The following NOVA1 variants were observed in gnomAD, a reference collection of about 807,000 sequenced individuals.
NOVA1 encodes the protein RNA-binding protein Nova-1.
Under a neutral mutation model 38.0 loss-of-function variants are expected in NOVA1, and 7 were observed. The ratio of observed to expected loss-of-function variants is 0.18; its 90% CI spans 0.10 to 0.35. The LOEUF (loss-of-function observed/expected upper bound fraction) is 0.35. Among genes scored for constraint, NOVA1 ranks in the 10% least tolerant of loss-of-function variants. The pLI is 1.00. For synonymous variants in NOVA1, 270 were observed against 232.5 expected, an observed-to-expected ratio of 1.16 and a Z score of -1.47; for missense variants, 460 against 616.0, an observed-to-expected ratio of 0.75 and a Z score of 2.68.
chr14:26,450,068 G>A (rs1485967726), intron 4 of NOVA1, among the ~76,000 whole-genome samples: 5 of 152,074 alleles, frequency 3.3e-5, no homozygotes, highest in Non-Finnish European at 5.9e-5. Context: ...GTCAAAACTT[G>A]TGATTGTTGT....
At chr14:26,556,352 A>G (rs1488493791) in intron 2 of NOVA1, among the ~76,000 whole-genome samples, 1 of 152,166 alleles carries the variant, frequency 6.6e-6, no homozygotes, top group East Asian at 1.9e-4. Flanking sequence ...CCACATCAAC[A>G]TAGTCAACTG....
At chr14:26,476,784 T>C (rs1202586707) in intron 3 of NOVA1, among the ~76,000 whole-genome samples, 1 of 151,374 alleles carries the variant, frequency 6.6e-6, no homozygotes, top group African/African-American at 2.4e-5. Flanking sequence ...TGGCGCGATC[T>C]TGGCTCACTG....
chr14:26,457,624 AATG>A (rs1003464063), intron 4 of NOVA1, among the ~76,000 whole-genome samples: 87 of 152,196 alleles, frequency 5.7e-4, no homozygotes, highest in African/African-American at 2.0e-3. Flanking sequence ...AAAACCTGAT[AATG>A]ATGATAAATG....
At chr14:26,574,671 C>A (rs1475014874) in intron 2 of NOVA1, among the ~76,000 whole-genome samples, 2 of 152,124 alleles carry the variant, frequency 1.3e-5, no homozygotes, top group East Asian at 3.9e-4. Flanking sequence ...CATATTGTCT[C>A]CCTCCACCCT....
At chr14:26,592,976 T>C (rs964126527) in intron 2 of NOVA1, 2 of 151,748 alleles carry the variant, frequency 1.3e-5, no homozygotes, top group African/African-American at 2.4e-5. Context: ...AAAGTAGACT[T>C]TTCCCCAAAT....
At chr14:26,592,849 C>T (rs1893943040) in intron 2 of NOVA1, 1 of 151,600 alleles carries the variant, frequency 6.6e-6, no homozygotes, top group Non-Finnish European at 1.5e-5. Flanking sequence ...TTCTGTGTTA[C>T]ACATCCTGAA....
At position 26,447,867 on chromosome 14, in the gene NOVA1, C is replaced by G. The variant is rs1362963257; in HGVS notation, c.*92G>C. 2 of 885,676 alleles carry G rather than the reference C, an allele frequency of 2.3e-6. No individual in the cohort carries two copies. The highest frequency in any genetic ancestry group is 3.6e-6 in the Non-Finnish European group (2 of 563,090). 54.9% of individuals were successfully genotyped at this position (885,676 alleles called of 1,614,324 possible). On this transcript the variant is annotated 3_prime_UTR_variant, in exon 5 of 5. Transcript: ENST00000539517. The stretch of plus-strand genomic sequence containing the variant: ...CATTTGCATAATTATATATTAATAA[C>G]AGAAAAACTTCACTTCTGCAAAGTA...
At chr14:26,566,531 T>C (rs1892143965) in intron 2 of NOVA1, among the ~76,000 whole-genome samples, 1 of 152,078 alleles carries the variant, frequency 6.6e-6, no homozygotes, top group Non-Finnish European at 1.5e-5. Context: ...AAATAGTAAA[T>C]GTTCATTAGT....
intron 2 of NOVA1, among the ~76,000 whole-genome samples, chr14:26,588,071 A>G (rs1484844791): frequency 6.6e-6 from 1 of 151,220 alleles, no homozygotes; most frequent in African/African-American, 2.4e-5. Flanking sequence ...GAAAACTTAC[A>G]CTGTGAGTAA....
chr14:26,542,235 G>T (rs1389441068), intron 2 of NOVA1, among the ~76,000 whole-genome samples: 1 of 151,764 alleles, frequency 6.6e-6, no homozygotes, highest in African/African-American at 2.4e-5. Flanking sequence ...GGGAAAATAT[G>T]CTTTCTCTTT....
chr14:26,595,866 A>C (rs1894152956), intron 1 of NOVA1: 1 of 350,176 alleles, frequency 2.9e-6, no homozygotes, highest in East Asian at 7.4e-5. Flanking sequence ...AAATCTTCCA[A>C]TTCTATCTGT....
In NOVA1 at chr14:26,576,394, C is replaced by T. The variant is rs12879148; in HGVS notation, c.280+19016G>A. Among the ~76,000 whole-genome samples, 29 of 150,822 alleles carry T rather than the reference C, an allele frequency of 1.9e-4. No individual in the cohort carries two copies. The East Asian group carries it at 4.8e-3, about 25-fold the overall frequency. ...ACTCTATCAACCAGAATAATTTTTA[C>T]GGATACTAAAATGAGGAAACTCCCA... On this transcript the variant is annotated intron_variant, in intron 2 of 4. Transcript: ENST00000539517.
intron 2 of NOVA1, among the ~76,000 whole-genome samples, chr14:26,559,154 T>C (rs1159567001): frequency 6.6e-6 from 1 of 152,178 alleles, no homozygotes; most frequent in Non-Finnish European, 1.5e-5. Context: ...CACTACTGTA[T>C]ATAATGTTCC....
rs1306668198 is a variant in NOVA1, at chr14:26,597,973, C to T, written c.-537G>A. On this transcript the variant is annotated 5_prime_UTR_variant, in exon 1 of 5. Coordinates refer to ENST00000539517, the MANE Select transcript of NOVA1 (RefSeq NM_002515.3). ...GGAGCGCGGCGGTCCCCGCGCCGCG[C>T]TAGCGTTGCGCTCGCTCCCGCTGCT... Among the ~76,000 whole-genome samples the T allele has an allele frequency of 4.0e-5, 6 of 151,662 alleles. No homozygotes were observed. Among genetic ancestry groups the T allele is most frequent in the Non-Finnish European group, 4.4e-5 (3 of 67,878 alleles).
At chr14:26,494,920 C>T (rs1886644301) in intron 2 of NOVA1, among the ~76,000 whole-genome samples, 1 of 152,178 alleles carries the variant, frequency 6.6e-6, no homozygotes, top group African/African-American at 2.4e-5. Context: ...AACTTAACGG[C>T]TTCTCATCTC....
intron 2 of NOVA1, among the ~76,000 whole-genome samples, chr14:26,565,615 C>T (rs931222472): frequency 6.6e-6 from 1 of 152,070 alleles, no homozygotes; most frequent in African/African-American, 2.4e-5. Context: ...AAAGATGGAC[C>T]ATGGTTCACT....
rs1374209236 is a variant in NOVA1 at position 26,460,231 on chromosome 14, C to T, written c.520-11268G>A. The stretch of plus-strand genomic sequence containing the variant: ...ATGGGAGGTTGATTATTTACTATCC[C>T]AAATGACTGTCATTAAGAAAATGAA... On this transcript the variant is annotated intron_variant, in intron 4 of 4. Transcript: ENST00000539517. Among the ~76,000 whole-genome samples the T allele has an allele frequency of 2.0e-5, 3 of 151,734 alleles. No homozygotes were observed. The East Asian group carries it at 5.8e-4, about 29-fold the overall frequency.
chr14:26,584,910 T>C (rs1248439466), intron 2 of NOVA1, among the ~76,000 whole-genome samples: 1 of 151,468 alleles, frequency 6.6e-6, no homozygotes, highest in East Asian at 1.9e-4. Flanking sequence ...CATTGTATAC[T>C]TAGTTCTAAC....
At chr14:26,505,993 T>A (rs1479971211) in intron 2 of NOVA1, among the ~76,000 whole-genome samples, 2 of 152,098 alleles carry the variant, frequency 1.3e-5, no homozygotes, top group East Asian at 3.8e-4. Flanking sequence ...TTTAGTGAAA[T>A]TTAAAGAAAT....
Sources: allele counts gnomAD v4.1 joint callset (sites outside exome capture counted in the v4.1 genomes callset), GRCh38; gene constraint gnomAD v4.1.1; transcripts MANE v1.5; gene names NCBI Gene and HGNC (gene_info 2026-07-23, HGNC 2026-07-21).